The following NF1 variants were observed in gnomAD, a reference collection of about 807,000 sequenced individuals.
The protein encoded by NF1 is neurofibromin.
A neutral mutation model predicts 325.7 loss-of-function variants in NF1; 122 were observed. The observed-to-expected ratio is 0.37, with a 90% confidence interval of 0.32 to 0.44. The LOEUF is 0.44. NF1 is among the 20% of genes least tolerant of loss of function. NF1 has a pLI of 1.00. For missense variants in NF1, 2,140 were observed against 3,415.4 expected (o/e 0.63, Z 9.31); for synonymous variants, 1,091 against 1,186.0 (o/e 0.92, Z 1.65).
In NF1 at chr17:31,374,616, T is replaced by G; in HGVS notation, c.*461T>G. 1 of 289,482 alleles carries G rather than the reference T, an allele frequency of 3.5e-6. No individual in the cohort carries two copies. The highest frequency in any genetic ancestry group is 5.2e-5 in the East Asian group (1 of 19,290). The allele number at this position is 289,482 out of a possible 1,614,324, so 17.9% of individuals were successfully genotyped here. On this transcript the variant is annotated 3_prime_UTR_variant, in exon 58 of 58. Transcript: ENST00000358273. ...ATACAAGTTTATGAGAGAAATAGTA[T>G]TATAACCCCAGTATGTTTAATCTTT...
intron 3 of NF1, among the ~76,000 whole-genome samples, chr17:31,160,022 T>A (rs1449759996): frequency 1.3e-5 from 2 of 152,004 alleles, no homozygotes; most frequent in African/African-American, 2.4e-5. Flanking sequence ...GAAAAAAAAA[T>A]TATATTGACA....
At chr17:31,195,168 C>T (rs1409753958) in intron 8 of NF1, among the ~76,000 whole-genome samples, 3 of 152,076 alleles carry the variant, frequency 2.0e-5, no homozygotes, top group Admixed American at 6.5e-5. Flanking sequence ...TTTCACTGTA[C>T]ATCAGGAAGG....
At chr17:31,323,155 G>GGGA (rs1378000602) in intron 36 of NF1, among the ~76,000 whole-genome samples, 1 of 152,138 alleles carries the variant, frequency 6.6e-6, no homozygotes, top group African/African-American at 2.4e-5. Context: ...TCAGCACTTT[G>GGGA]GGAGGCTGAG....
At chr17:31,283,144 G>T (rs1217549799) in intron 36 of NF1, among the ~76,000 whole-genome samples, 1 of 152,116 alleles carries the variant, frequency 6.6e-6, no homozygotes, top group Non-Finnish European at 1.5e-5. Context: ...AAGTCCGGAC[G>T]CAGTGGATCA....
At chr17:31,227,092 T>G in intron 18 of NF1, 126 bp from the exon 19 acceptor site, 1 of 963,460 alleles carries the variant, frequency 1.0e-6, no homozygotes, top group Admixed American at 1.8e-5. Context: ...AAAGGAAGTT[T>G]TTGGCTTTAT....
chr17:31,169,316 G>A (rs1200146846), intron 4 of NF1, among the ~76,000 whole-genome samples: 2 of 152,134 alleles, frequency 1.3e-5, no homozygotes, highest in Non-Finnish European at 2.9e-5. Context: ...AACCCTGGCC[G>A]AAAGTCGGCA....
chr17:31,242,509 T>C (rs1190021042), intron 29 of NF1, among the ~76,000 whole-genome samples: 1 of 152,082 alleles, frequency 6.6e-6, no homozygotes, highest in Non-Finnish European at 1.5e-5. Flanking sequence ...CCTCTGTGTA[T>C]TTTCATATAG....
intron 13 of NF1, among the ~76,000 whole-genome samples, chr17:31,216,437 A>T (rs988168409): frequency 6.6e-6 from 1 of 152,206 alleles, no homozygotes; most frequent in Non-Finnish European, 1.5e-5. Flanking sequence ...TTACATAAAA[A>T]ATCTGAGTCT....
chr17:31,334,489 T>C (rs1383726447), intron 39 of NF1, among the ~76,000 whole-genome samples: 1 of 152,208 alleles, frequency 6.6e-6, no homozygotes, highest in Non-Finnish European at 1.5e-5. Flanking sequence ...CCAATGTTAA[T>C]ACAGTTTTCA....
intron 1 of NF1, among the ~76,000 whole-genome samples, chr17:31,102,850 ATT>A (rs1234960476): frequency 2.8e-5 from 4 of 140,386 alleles, no homozygotes; most frequent in Non-Finnish European, 1.6e-5. Context: ...CTTCTTCTTC[ATT>A]TTTTTTTTTT....
At chr17:31,263,481 T>C (rs1476774564) in intron 35 of NF1, among the ~76,000 whole-genome samples, 2 of 149,870 alleles carry the variant, frequency 1.3e-5, no homozygotes, top group Admixed American at 6.7e-5. Context: ...TAAGTAAATA[T>C]AAATATAAAT....
intron 32 of NF1, 77 bp from the exon 33 acceptor site, chr17:31,258,955 T>C (rs2067633341): frequency 1.1e-6 from 1 of 951,030 alleles, no homozygotes; most frequent in African/African-American, 1.6e-5. Context: ...AAAATTCATG[T>C]TTTTAAAGAA....
At chr17:31,367,637 C>A (rs2151595265) in intron 57 of NF1, among the ~76,000 whole-genome samples, 1 of 152,158 alleles carries the variant, frequency 6.6e-6, no homozygotes, top group Non-Finnish European at 1.5e-5. Flanking sequence ...TTGTTTTCCC[C>A]AAATAGAAAG....
intron 29 of NF1, among the ~76,000 whole-genome samples, chr17:31,239,011 CTTGTCTGGCT>C (rs1418952777): frequency 6.6e-6 from 1 of 152,220 alleles, no homozygotes; most frequent in African/African-American, 2.4e-5. Context: ...CCCAATACAT[CTTGTCTGGCT>C]TTCAACAAAA....
At position 31,260,424 on chromosome 17, in the gene NF1, C is replaced by T. The variant is rs1555618823; in HGVS notation, c.4486C>T (p.Leu1496Phe). The T allele has an allele frequency of 1.2e-6, 2 of 1,613,994 alleles. No individual in the cohort carries two copies. The highest frequency in any genetic ancestry group is 8.5e-7 in the Non-Finnish European group (1 of 1,179,912). Residue 1496 changes from leucine (L) to phenylalanine (F), a missense_variant, in exon 34 of 58, where the codon CTT (leucine) becomes TTT (phenylalanine). By Grantham distance (22) the Leu-to-Phe change is conservative. Coordinates refer to ENST00000358273, the MANE Select transcript of NF1 (RefSeq NM_001042492.3). ...CPTSDAVNHS[L>F]SFISDGNVLA... ...TACAAGTGATGCAGTAAATCATAGT[C>T]TTTCCTTCATAAGTGACGGCAATGT...
intron 8 of NF1, among the ~76,000 whole-genome samples, chr17:31,197,702 G>A (rs1597677433): frequency 1.3e-5 from 2 of 152,264 alleles, no homozygotes; most frequent in South Asian, 4.1e-4. Flanking sequence ...TTTTTGGTGT[G>A]TATGTGTCAT....
At chr17:31,199,678 ATT>A (rs1156601192) in intron 8 of NF1, among the ~76,000 whole-genome samples, 1 of 152,244 alleles carries the variant, frequency 6.6e-6, no homozygotes, top group East Asian at 1.9e-4. Context: ...TGAGAAACAA[ATT>A]TAGAGCAACA....
At chr17:31,211,787 G>T (rs1219757742) in intron 12 of NF1, among the ~76,000 whole-genome samples, 1 of 152,206 alleles carries the variant, frequency 6.6e-6, no homozygotes, top group Non-Finnish European at 1.5e-5. Flanking sequence ...GAGTTTGCAG[G>T]ACTGGAAGTT....
chr17:31,208,490 G>A (rs1466059068), intron 12 of NF1, among the ~76,000 whole-genome samples: 3 of 152,090 alleles, frequency 2.0e-5, no homozygotes, highest in Non-Finnish European at 4.4e-5. Context: ...TCTTTGCCAG[G>A]CAAAGGTGCT....
Sources: allele counts gnomAD v4.1 joint callset (sites outside exome capture counted in the v4.1 genomes callset), GRCh38; gene constraint gnomAD v4.1.1; transcripts MANE v1.5; gene names NCBI Gene and HGNC (gene_info 2026-07-23, HGNC 2026-07-21).